Variants in PPP1R3A observed in about 807,000 individuals in gnomAD.
PPP1R3A encodes the protein RG1.
PPP1R3A carries 29 observed loss-of-function variants against 41.7 expected under a neutral mutation model. The observed-to-expected ratio is 0.70, with a 90% CI of 0.52 to 0.95. The LOEUF (loss-of-function observed/expected upper bound fraction) is 0.95, where lower values mean the gene tolerates loss of function less well. Ranked by LOEUF, PPP1R3A falls within the 40% of genes least tolerant of loss-of-function variation. The pLI, the probability that PPP1R3A is intolerant of heterozygous loss-of-function variation, is 0.00. For synonymous variants in PPP1R3A, 485 were observed against 453.4 expected (o/e 1.07, Z -0.89); for missense variants, 1,352 against 1,292.4 (o/e 1.05, Z -0.71).
Position 113,879,032 on chromosome 7 carries a change from C to G in PPP1R3A, c.2060G>C (p.Gly687Ala). ...KGQTDCEDVW[G>A]KRDNTRSLKA... is the part of the protein sequence containing the mutation. ...CAAACTCCTCGTATTATCTCTTTTT[C>G]CCCACACGTCTTCACAATCTGTTTG... Residue 687 changes from glycine (G) to alanine (A), a missense_variant, in exon 4 of 4, where the codon GGA becomes GCA. Physicochemically the swap from Gly to Ala is moderately conservative, Grantham distance 60. Transcript: ENST00000284601. 6.2e-7 allele frequency: 1 copy of G among 1,613,620 alleles called. No homozygotes were observed. Among genetic ancestry groups the G allele is most frequent in the Non-Finnish European group, 8.5e-7 (1 of 1,179,778 alleles).
chr7:113,893,221 A>C lies in PPP1R3A; in HGVS notation c.783-10901T>G, dbSNP rs536449554. The stretch of plus-strand genomic sequence containing the variant: ...TAAGAGCTCTACATCTGTATAACTT[A>C]AAGGAGTATTCTGAGTATCATTTAG... On this transcript the variant is annotated intron_variant, in intron 1 of 3. Coordinates refer to ENST00000284601, the MANE Select transcript of PPP1R3A (RefSeq NM_002711.4). Among the ~76,000 whole-genome samples the C allele has an allele frequency of 1.4e-4, 21 of 152,164 alleles. No individual in the cohort carries two copies. In the South Asian group the frequency reaches 4.4e-3, roughly 32 times the overall value.
intron 1 of PPP1R3A, among the ~76,000 whole-genome samples, chr7:113,916,397 T>C (rs955210179): frequency 6.6e-6 from 1 of 152,066 alleles, no homozygotes; most frequent in African/African-American, 2.4e-5. Flanking sequence ...TATCTTCAAC[T>C]AGGAGAAGTT....
In PPP1R3A at chr7:113,905,556, T is replaced by C. The variant is rs528535447; in HGVS notation, c.782+12659A>G. Among the ~76,000 whole-genome samples the C allele has an allele frequency of 2.0e-5, 3 of 151,964 alleles. No homozygotes were observed. The South Asian group carries it at 6.2e-4, about 31-fold the overall frequency. ...AAATCTAAAATTTTATCAAAAACCA[T>C]TTTAAAATACCTTTTAAGTAGTACA... On this transcript the variant is annotated intron_variant, in intron 1 of 3. Coordinates refer to ENST00000284601, the MANE Select transcript of PPP1R3A (RefSeq NM_002711.4).
chr7:113,877,991 G>C lies in PPP1R3A; in HGVS notation c.3101C>G (p.Ser1034Cys), dbSNP rs1467443074. ...ARHENEGLVS[S>C]GQSLYTSGEK... The stretch of plus-strand genomic sequence containing the variant: ...ACCTGAAGTGTATAGTGATTGCCCA[G>C]AGCTTACTAATCCTTCATTTTCATG... Residue 1034 changes from serine (S) to cysteine (C), a missense_variant, in exon 4 of 4, where the codon TCT becomes TGT. Transcript: ENST00000284601. 1.9e-6 allele frequency: 3 copies of C among 1,613,318 alleles called. No homozygotes were observed. Among genetic ancestry groups the C allele is most frequent in the Non-Finnish European group, 2.5e-6 (3 of 1,179,636 alleles).
chr7:113,876,975 AG>A lies in PPP1R3A; in HGVS notation c.*747del, dbSNP rs1404742783. On this transcript the variant is annotated 3_prime_UTR_variant, in exon 4 of 4. Coordinates refer to ENST00000284601, the MANE Select transcript of PPP1R3A (RefSeq NM_002711.4). The stretch of plus-strand genomic sequence containing the variant: ...CACTGAAATAGTTCAGCTGTGTTAC[AG>A]TCTTCCCTCACAAGAGAAAAGCATT... 6.6e-6 allele frequency: 1 copy of A among 151,976 alleles called. No homozygotes were observed. Among genetic ancestry groups the A allele is most frequent in the African/African-American group, 2.4e-5 (1 of 41,428 alleles). 9.4% of individuals were successfully genotyped at this position (151,976 alleles called of 1,614,324 possible).
In PPP1R3A at chr7:113,890,788, G is replaced by A. The variant is rs139280690; in HGVS notation, c.783-8468C>T. On this transcript the variant is annotated intron_variant, in intron 1 of 3. Transcript: ENST00000284601. ...AAAAATAATTTGTGTTTCTAAGTCA[G>A]CTATTAATCATTCAAAAATGTGAGT... Among the ~76,000 whole-genome samples the A allele has an allele frequency of 2.2e-4, 33 of 152,076 alleles. No homozygotes were observed. The East Asian group carries it at 6.4e-3, about 30-fold the overall frequency.
rs1314408505 is a variant in PPP1R3A, at chr7:113,878,304, G to A, written c.2788C>T (p.Gln930Ter). Residue 930 changes from glutamine to a stop codon, truncating the protein, a stop_gained, in exon 4 of 4, where the codon CAG (glutamine) becomes TAG (stop). Coordinates refer to ENST00000284601, the MANE Select transcript of PPP1R3A (RefSeq NM_002711.4). LOFTEE classifies it low-confidence loss of function (END_TRUNC). ...ACTGCATTCTCTACAGCAATTGCCT[G>A]CTCATTAGTTGACACTGAAATTTCA... ...HTEISVSTNE[Q>*]AIAVENAVTT... 6.2e-7 allele frequency: 1 copy of A among 1,613,158 alleles called. No individual in the cohort carries two copies. The highest frequency in any genetic ancestry group is 1.7e-5 in the Admixed American group (1 of 59,884).
chr7:113,890,448 A>C (rs1010702594), intron 1 of PPP1R3A, among the ~76,000 whole-genome samples: 2 of 152,178 alleles, frequency 1.3e-5, no homozygotes, highest in Non-Finnish European at 2.9e-5. Flanking sequence ...CCTCAGAGTT[A>C]GCTGAGGTGC....
In PPP1R3A at chr7:113,879,280, A is replaced by G. The variant is rs755740703; in HGVS notation, c.1812T>C (p.Thr604=). 11 of 1,613,552 alleles carry G rather than the reference A, an allele frequency of 6.8e-6. No homozygotes were observed. Among genetic ancestry groups the G allele is most frequent in the Admixed American group, 6.7e-5 (4 of 59,924 alleles). ...AVLTPEHHHL[T]SEGSALGGIT... ...TCCCTCCTAAAGCGCTGCCTTCACT[A>G]GTCAAATGATGATGCTCTGGGGTTA... The change falls in exon 4 of 4, where the codon ACT becomes ACC. Residue 604 remains threonine, a synonymous_variant. Coordinates refer to ENST00000284601, the MANE Select transcript of PPP1R3A (RefSeq NM_002711.4).
intron 1 of PPP1R3A, among the ~76,000 whole-genome samples, chr7:113,909,119 C>T (rs1411161844): frequency 6.6e-6 from 1 of 151,572 alleles, no homozygotes; most frequent in East Asian, 1.9e-4. Context: ...GCACATGGAC[C>T]CCTTGAATCT....
chr7:113,902,112 T>A, intron 1 of PPP1R3A, among the ~76,000 whole-genome samples: 1 of 151,802 alleles, frequency 6.6e-6, no homozygotes, highest in Admixed American at 6.6e-5. Context: ...AACTCAGTCC[T>A]GTTCCTCTTC....
intron 1 of PPP1R3A, among the ~76,000 whole-genome samples, chr7:113,891,790 G>A (rs1160516244): frequency 6.6e-6 from 1 of 151,896 alleles, no homozygotes; most frequent in Non-Finnish European, 1.5e-5. Flanking sequence ...TTTTCCAAAG[G>A]TCCTATAATG....
intron 1 of PPP1R3A, among the ~76,000 whole-genome samples, chr7:113,895,346 A>AAC (rs1228171062): frequency 6.6e-6 from 1 of 152,008 alleles, no homozygotes; most frequent in African/African-American, 2.4e-5. Flanking sequence ...TGTTAAAAAA[A>AAC]ACACCAGATA....
intron 1 of PPP1R3A, among the ~76,000 whole-genome samples, chr7:113,900,760 AG>A (rs1797048576): frequency 6.7e-6 from 1 of 148,310 alleles, no homozygotes; most frequent in African/African-American, 2.5e-5. Context: ...CACTTACATA[AG>A]TATATACTTA....
chr7:113,918,477 C>T lies in PPP1R3A; in HGVS notation c.520G>A (p.Ala174Thr). ...DDWQTHYDIL[A>T]EYVPNSCDGE... Reference sequence around the variant, plus strand: ...TCACATGAATTAGGAACATATTCTGCTAAAATGTCATAATGTGTCTGCCAG... The same window carrying T: ...TCACATGAATTAGGAACATATTCTGTTAAAATGTCATAATGTGTCTGCCAG... The change falls in exon 1 of 4, where the codon GCA (alanine) becomes ACA (threonine). Residue 174 changes from alanine (A) to threonine (T), a missense_variant. Coordinates refer to ENST00000284601, the MANE Select transcript of PPP1R3A (RefSeq NM_002711.4). 6.2e-7 allele frequency: 1 copy of T among 1,613,184 alleles called. No individual in the cohort carries two copies. The highest frequency in any genetic ancestry group is 8.5e-7 in the Non-Finnish European group (1 of 1,179,660).
At chr7:113,907,124 T>C (rs1797160983) in intron 1 of PPP1R3A, among the ~76,000 whole-genome samples, 1 of 151,812 alleles carries the variant, frequency 6.6e-6, no homozygotes, top group South Asian at 2.1e-4. Context: ...TCCTTTTGGC[T>C]GTATTCATGT....
At position 113,878,181 on chromosome 7, in the gene PPP1R3A, A is replaced by C; in HGVS notation, c.2911T>G (p.Ser971Ala). 1 of 1,613,208 alleles carries C rather than the reference A, an allele frequency of 6.2e-7. No homozygotes were observed. Among genetic ancestry groups the C allele is most frequent in the Non-Finnish European group, 8.5e-7 (1 of 1,179,590 alleles). ...QGIEKHPYPESKPEEVSRSSG... is the reference protein window; with the variant it reads ...QGIEKHPYPEAKPEEVSRSSG... Reference sequence around the variant, plus strand: ...CTTCTGGAAACTTCTTCAGGTTTAGACTCAGGATAAGGGTGCTTCTCAATA... The same window carrying C: ...CTTCTGGAAACTTCTTCAGGTTTAGCCTCAGGATAAGGGTGCTTCTCAATA... The change falls in exon 4 of 4, where the codon TCT (serine) becomes GCT (alanine). Residue 971 changes from serine (S) to alanine (A), a missense_variant. Physicochemically the swap from Ser to Ala is moderately conservative, Grantham distance 99 (BLOSUM62 1). Transcript: ENST00000284601.
intron 1 of PPP1R3A, among the ~76,000 whole-genome samples, chr7:113,906,073 G>T (rs1256044829): frequency 6.6e-6 from 1 of 151,720 alleles, no homozygotes; most frequent in Non-Finnish European, 1.5e-5. Context: ...AGAAGAAGGT[G>T]TTGAACAATT....
At chr7:113,895,347 AC>A (rs1380526367) in intron 1 of PPP1R3A, among the ~76,000 whole-genome samples, 3 of 152,000 alleles carry the variant, frequency 2.0e-5, no homozygotes, top group South Asian at 2.1e-4. Context: ...GTTAAAAAAA[AC>A]ACCAGATATC....
Sources: allele counts gnomAD v4.1 joint callset (sites outside exome capture counted in the v4.1 genomes callset), GRCh38; gene constraint gnomAD v4.1.1; transcripts MANE v1.5; gene names NCBI Gene and HGNC (gene_info 2026-07-23, HGNC 2026-07-21).